Variants in RNF114 observed in about 807,000 individuals in gnomAD.
RNF114 encodes the protein ring finger protein 114.
RNF114 carries 6 observed loss-of-function variants against 28.4 expected under a neutral mutation model. The observed-to-expected ratio is 0.21, with a 90% CI of 0.12 to 0.42. The LOEUF (loss-of-function observed/expected upper bound fraction) is 0.42. Ranked by LOEUF, RNF114 falls within the 10% of genes least tolerant of loss-of-function variation. The pLI is 1.00. For synonymous variants in RNF114, 115 were observed against 116.7 expected (o/e 0.99, Z 0.09); for missense variants, 249 against 311.7 (o/e 0.80, Z 1.51).
chr20:49,941,410 C>T, intron 1 of RNF114, 151 bp from the exon 2 acceptor site: 2 of 787,128 alleles, frequency 2.5e-6, no homozygotes, highest in Non-Finnish European at 3.9e-6. Context: ...CTCATTTTTT[C>T]TGGCTTGGAA....
At position 49,936,430 on chromosome 20, in the gene RNF114, G is replaced by A. The variant is rs1402940440; in HGVS notation, c.18G>A (p.Arg6=). The change falls in exon 1 of 6, where the codon CGG becomes CGA. Residue 6 remains arginine, a synonymous_variant. Transcript: ENST00000244061. ...GCAGCAAGATGGCGGCGCAACAGCG[G>A]GACTGCGGGGGTGCTGCGCAGCTGG... MAAQQ[R]DCGGAAQLAG... 23 of 1,530,074 alleles carry A rather than the reference G, an allele frequency of 1.5e-5. No homozygotes were observed. The highest frequency in any genetic ancestry group is 1.0e-4 in the Admixed American group (5 of 48,202). The allele number at this position is 1,530,074 out of a possible 1,614,324, so 94.8% of individuals were successfully genotyped here. A position where few individuals can be genotyped will look rare whatever the true frequency, so the allele number is the denominator to read the frequency against.
Position 49,949,244 on chromosome 20 carries a change from A to T in RNF114, c.514-4A>T. 1 of 1,613,738 alleles carries T rather than the reference A, an allele frequency of 6.2e-7. No homozygotes were observed. The highest frequency in any genetic ancestry group is 8.5e-7 in the Non-Finnish European group (1 of 1,179,630). ...TGCCTAAGACCTTGCTTTTGTGTTG[A>T]AAGGTTTGTCCGATATGTGCCTCGA... is the stretch of plus-strand genomic sequence containing the variant. On this transcript the variant is annotated splice_polypyrimidine_tract_variant and splice_region_variant and intron_variant, in intron 4 of 5. Coordinates refer to ENST00000244061, the MANE Select transcript of RNF114 (RefSeq NM_018683.4).
Position 49,941,711 on chromosome 20 carries a change from T to C in RNF114, c.291T>C (p.Asn97=), listed in dbSNP as rs765702335. 1.4e-5 allele frequency: 23 copies of C among 1,610,738 alleles called. No homozygotes were observed. Among genetic ancestry groups the C allele is most frequent in the Non-Finnish European group, 2.0e-5 (23 of 1,179,442 alleles). The change falls in exon 2 of 6, where the codon AAT becomes AAC. Residue 97 remains asparagine, a splice_region_variant and synonymous_variant. Coordinates refer to ENST00000244061, the MANE Select transcript of RNF114 (RefSeq NM_018683.4). Reference sequence around the variant, plus strand: ...CTTCTTGCCATGGCTGCCGTAAGAATGTATGTGGAAGTGATGTGGAAGAGT... The same window carrying C: ...CTTCTTGCCATGGCTGCCGTAAGAACGTATGTGGAAGTGATGTGGAAGAGT... ...TETSCHGCRK[N]FFLSKIRSHV...
intron 2 of RNF114, chr20:49,944,729 AAATT>A (rs2090322398): frequency 6.6e-6 from 1 of 152,104 alleles, no homozygotes; most frequent in African/African-American, 2.4e-5. Context: ...AAAAATATGA[AAATT>A]AGCTGGGCCT....
intron 2 of RNF114, among the ~76,000 whole-genome samples, chr20:49,943,165 A>G (rs1235592772): frequency 6.6e-6 from 1 of 152,088 alleles, no homozygotes; most frequent in Non-Finnish European, 1.5e-5. Context: ...GGCCATTTCA[A>G]TGCTGAATAG....
intron 1 of RNF114, among the ~76,000 whole-genome samples, chr20:49,938,244 A>AT (rs1324472321): frequency 6.6e-6 from 1 of 152,222 alleles, no homozygotes; most frequent in Non-Finnish European, 1.5e-5. Context: ...GAGCAGCAAA[A>AT]TTTGAGATTT....
At chr20:49,942,182 C>G (rs956951789) in intron 2 of RNF114, among the ~76,000 whole-genome samples, 4 of 152,060 alleles carry the variant, frequency 2.6e-5, no homozygotes, top group Non-Finnish European at 5.9e-5. Context: ...TCACTTGAGC[C>G]CAGGAGTTTG....
At chr20:49,937,908 A>G (rs535408062) in intron 1 of RNF114, among the ~76,000 whole-genome samples, 8 of 152,310 alleles carry the variant, frequency 5.3e-5, no homozygotes, top group African/African-American at 1.7e-4. Flanking sequence ...ATTTTGGGGT[A>G]GACTCTGCCT....
chr20:49,950,514 C>T (rs1172229645), intron 5 of RNF114, among the ~76,000 whole-genome samples: 3 of 151,740 alleles, frequency 2.0e-5, no homozygotes, highest in Non-Finnish European at 4.4e-5. Context: ...AACCTTGTCT[C>T]TGCAAAAAAT....
Position 49,946,122 on chromosome 20 carries a change from G to A in RNF114, c.399-14G>A. 3 of 1,505,296 alleles carry A rather than the reference G, an allele frequency of 2.0e-6. No homozygotes were observed. Among genetic ancestry groups the A allele is most frequent in the Non-Finnish European group, 2.7e-6 (3 of 1,102,424 alleles). 93.2% of individuals were successfully genotyped at this position (1,505,296 alleles called of 1,614,324 possible). A position where few individuals can be genotyped will look rare whatever the true frequency, so the allele number is the denominator to read the frequency against. ...ACAGAAAAGTTTTCTTTTTTCCTGT[G>A]TTTCACCTTCCAGGAATGTTCCAAA... On this transcript the variant is annotated splice_polypyrimidine_tract_variant and intron_variant, in intron 3 of 5. Transcript: ENST00000244061.
chr20:49,947,795 T>G (rs904957322), intron 4 of RNF114, among the ~76,000 whole-genome samples: 8 of 106,644 alleles, frequency 7.5e-5, no homozygotes, highest in African/African-American at 3.0e-4. Context: ...TTTTTTTTTT[T>G]TTTTTTTTTT....
chr20:49,937,039 A>T (rs1484734608), intron 1 of RNF114, among the ~76,000 whole-genome samples: 1 of 152,106 alleles, frequency 6.6e-6, no homozygotes, highest in Admixed American at 6.5e-5. Context: ...CTTTATGGGG[A>T]TCTGGCCAGT....
chr20:49,946,712 A>G (rs757370147), intron 4 of RNF114, among the ~76,000 whole-genome samples: 3 of 152,126 alleles, frequency 2.0e-5, no homozygotes, highest in Non-Finnish European at 2.9e-5. Flanking sequence ...TGGGTGCTAC[A>G]TTAAGTCATG....
At chr20:49,942,812 G>A (rs1230034367) in intron 2 of RNF114, among the ~76,000 whole-genome samples, 2 of 152,048 alleles carry the variant, frequency 1.3e-5, no homozygotes, top group African/African-American at 2.4e-5. Context: ...TGATAGAGCC[G>A]GACCCTGTCT....
At position 49,947,769 on chromosome 20, in the gene RNF114, G is replaced by GTTTTTTTTTTTTTT. The variant is rs71190519; in HGVS notation, c.514-1452_514-1439dup. ...GTTCTGTCTTCCTCTCCCTCTGCAA[G>GTTTTTTTTTTTTTT]TTTTTTTTTTTTTTTTTTTTTTTTT... On this transcript the variant is annotated intron_variant, in intron 4 of 5. Coordinates refer to ENST00000244061, the MANE Select transcript of RNF114 (RefSeq NM_018683.4). Among the ~76,000 whole-genome samples, 22 of 50,476 alleles carry GTTTTTTTTTTTTTT rather than the reference G, an allele frequency of 4.4e-4. 2 individuals are homozygous for GTTTTTTTTTTTTTT. Among genetic ancestry groups the GTTTTTTTTTTTTTT allele is most frequent in the Admixed American group, 6.0e-4 (2 of 3,346 alleles). 33.1% of individuals were successfully genotyped at this position (50,476 alleles called of 152,430 possible). A position where few individuals can be genotyped will look rare whatever the true frequency, so the allele number is the denominator to read the frequency against.
intron 1 of RNF114, among the ~76,000 whole-genome samples, chr20:49,939,603 A>G (rs2090299403): frequency 6.6e-6 from 1 of 152,054 alleles, no homozygotes; most frequent in Non-Finnish European, 1.5e-5. Context: ...TCTTTTCTTC[A>G]AAGTCAGTAA....
At chr20:49,937,611 T>C (rs73129268) in intron 1 of RNF114, among the ~76,000 whole-genome samples, 2,211 of 152,314 alleles carry the variant, frequency 0.015, 23 homozygotes, top group East Asian at 0.035. Context: ...AGAACAGTGC[T>C]TGGCACCTAG....
At chr20:49,945,171 T>C in intron 2 of RNF114, 1 of 488,014 alleles carries the variant, frequency 2.0e-6, no homozygotes. Flanking sequence ...GAAGTGGATA[T>C]CCTGATTTAG....
rs759804307 is a variant in RNF114 at position 49,936,455 on chromosome 20, G to T, written c.43G>T (p.Ala15Ser). 14 of 1,548,074 alleles carry T rather than the reference G, an allele frequency of 9.0e-6. No homozygotes were observed. The highest frequency in any genetic ancestry group is 8.7e-6 in the Non-Finnish European group (10 of 1,147,928). The change falls in exon 1 of 6, where the codon GCG becomes TCG. Residue 15 changes from alanine to serine, a missense_variant. By Grantham distance (99) the Ala-to-Ser change is moderately conservative (BLOSUM62 1). Around this residue, in one of 2 missense-constraint regions of RNF114, gnomAD observed 123 missense variants for 106.4 expected, o/e 1.16. Transcript: ENST00000244061. Reference protein sequence around the residue: ...QRDCGGAAQLAGPAAEADPLG... With the variant: ...QRDCGGAAQLSGPAAEADPLG... ...GGACTGCGGGGGTGCTGCGCAGCTG[G>T]CGGGGCCGGCGGCGGAGGCTGACCC...
Sources: allele counts gnomAD v4.1 joint callset (sites outside exome capture counted in the v4.1 genomes callset), GRCh38; gene constraint gnomAD v4.1.1; regional missense constraint gnomAD v4.1.1; transcripts MANE v1.5; gene names NCBI Gene and HGNC (gene_info 2026-07-23, HGNC 2026-07-21).